Variants in ARID2 observed in about 807,000 individuals in gnomAD.
The protein encoded by ARID2 is AT-rich interactive domain-containing protein 2.
In ARID2, 32 loss-of-function variants were observed where a neutral mutation model predicts 184.6. The observed-to-expected ratio is 0.17, with a 90% CI of 0.13 to 0.23. The LOEUF (loss-of-function observed/expected upper bound fraction) is 0.23, where lower values mean the gene tolerates loss of function less well. ARID2 is among the 10% of genes least tolerant of loss of function. The pLI, the probability that ARID2 is intolerant of heterozygous loss-of-function variation, is 1.00. For synonymous variants in ARID2, 836 were observed against 772.6 expected (o/e 1.08, Z -1.36); for missense variants, 1,696 against 2,197.6 (o/e 0.77, Z 4.56).
intron 3 of ARID2, among the ~76,000 whole-genome samples, chr12:45,788,673 A>G (rs1408567780): frequency 2.0e-5 from 3 of 152,156 alleles, no homozygotes; most frequent in East Asian, 1.9e-4. Context: ...GTATTCCCCA[A>G]ACTGAAGGTT....
At chr12:45,743,350 C>G (rs1443008520) in intron 3 of ARID2, among the ~76,000 whole-genome samples, 4 of 152,076 alleles carry the variant, frequency 2.6e-5, no homozygotes, top group Admixed American at 6.5e-5. Flanking sequence ...GCCTGGGTGA[C>G]TGAGCAAGAC....
At chr12:45,804,911 T>C (rs1342690383) in intron 3 of ARID2, among the ~76,000 whole-genome samples, 1 of 152,136 alleles carries the variant, frequency 6.6e-6, no homozygotes, top group Non-Finnish European at 1.5e-5. Context: ...TGCATGCTTA[T>C]GATCTTCATA....
At chr12:45,781,920 A>G (rs966109401) in intron 3 of ARID2, among the ~76,000 whole-genome samples, 1 of 152,220 alleles carries the variant, frequency 6.6e-6, no homozygotes, top group African/African-American at 2.4e-5. Context: ...TGAAGAACAA[A>G]TATTTTGTGG....
intron 3 of ARID2, among the ~76,000 whole-genome samples, chr12:45,791,806 C>G (rs1942297473): frequency 1.3e-5 from 2 of 152,144 alleles, no homozygotes; most frequent in Admixed American, 1.3e-4. Flanking sequence ...TTCCCACCAG[C>G]AAGAAAGTTG....
intron 16 of ARID2, among the ~76,000 whole-genome samples, chr12:45,865,530 A>G (rs897491365): frequency 2.0e-5 from 3 of 152,122 alleles, no homozygotes; most frequent in East Asian, 3.9e-4. Flanking sequence ...TTTTCTGTAA[A>G]CAAATTTATT....
At chr12:45,739,059 CTTGGG>C (rs1941192147) in intron 3 of ARID2, among the ~76,000 whole-genome samples, 1 of 151,978 alleles carries the variant, frequency 6.6e-6, no homozygotes, top group Admixed American at 6.6e-5. Context: ...GCCTCCACCT[CTTGGG>C]TTCAAGTGAT....
In ARID2 at chr12:45,906,855, T is replaced by G. The variant is rs115052817; in HGVS notation, c.*1777T>G. 5.2e-3 allele frequency: 1,217 copies of G among 232,218 alleles called. 10 individuals carry two copies. Among genetic ancestry groups the G allele is most frequent in the African/African-American group, 0.025 (1,115 of 45,430 alleles). The allele number at this position is 232,218 out of a possible 1,614,324, so 14.4% of individuals were successfully genotyped here. ...CTGTACATTTGGCTAAAAGCTTTTA[T>G]TGTTTGATGTTGTGTTTCTTGACTG... On this transcript the variant is annotated 3_prime_UTR_variant, in exon 21 of 21. Transcript: ENST00000334344.
intron 3 of ARID2, among the ~76,000 whole-genome samples, chr12:45,774,500 TTC>T (rs1941938578): frequency 6.6e-6 from 1 of 152,158 alleles, no homozygotes. Flanking sequence ...TAGCATCTTT[TTC>T]CCCTTTATGT....
chr12:45,889,550 A>G (rs1212963024), intron 16 of ARID2, among the ~76,000 whole-genome samples: 1 of 152,240 alleles, frequency 6.6e-6, no homozygotes, highest in Non-Finnish European at 1.5e-5. Context: ...CAACCCATCC[A>G]ATAAATATCC....
intron 16 of ARID2, among the ~76,000 whole-genome samples, chr12:45,889,277 AAC>A (rs1944252151): frequency 6.6e-6 from 1 of 152,204 alleles, no homozygotes; most frequent in South Asian, 2.1e-4. Flanking sequence ...TTTGTTTAAA[AAC>A]ACATACATAC....
intron 15 of ARID2, among the ~76,000 whole-genome samples, 160 bp from the exon 16 acceptor site, chr12:45,860,641 A>AT (rs1943726486): frequency 6.6e-6 from 1 of 151,982 alleles, no homozygotes; most frequent in African/African-American, 2.4e-5. Context: ...TATAAAAATA[A>AT]TTTTTAAAGA....
intron 16 of ARID2, among the ~76,000 whole-genome samples, chr12:45,869,452 A>G (rs1156796927): frequency 6.6e-6 from 1 of 151,358 alleles, no homozygotes; most frequent in Non-Finnish European, 1.5e-5. Flanking sequence ...TTTTCTTCGC[A>G]TGAATTTTGT....
intron 3 of ARID2, among the ~76,000 whole-genome samples, chr12:45,735,418 CGTGTGTGTGTGT>C (rs56133410): frequency 2.5e-4 from 35 of 141,398 alleles, no homozygotes; most frequent in African/African-American, 5.6e-4. Context: ...TAAACTGTAT[CGTGTGTGTGTGT>C]GTGTGTGTGT....
At position 45,729,785 on chromosome 12, in the gene ARID2, G is replaced by T; in HGVS notation, c.-52G>T. The stretch of plus-strand genomic sequence containing the variant: ...TGGTAGGAAGCGCTGGGAGCGGGGG[G>T]CGCTTTTAAAACACCGATCTGGGTT... On this transcript the variant is annotated 5_prime_UTR_variant, in exon 1 of 21. Coordinates refer to ENST00000334344, the MANE Select transcript of ARID2 (RefSeq NM_152641.4). 1.3e-6 allele frequency: 2 copies of T among 1,512,390 alleles called. No individual in the cohort carries two copies. Among genetic ancestry groups the T allele is most frequent in the Non-Finnish European group, 9.0e-7 (1 of 1,112,952 alleles). The allele number at this position is 1,512,390 out of a possible 1,614,324, so 93.7% of individuals were successfully genotyped here.
chr12:45,820,404 T>C (rs1320335293), intron 5 of ARID2, among the ~76,000 whole-genome samples: 1 of 152,172 alleles, frequency 6.6e-6, no homozygotes. Context: ...GGTTCATACT[T>C]AAAAGGTAAT....
intron 18 of ARID2, 39 bp from the exon 19 acceptor site, chr12:45,893,381 C>T (rs765878745): frequency 1.3e-5 from 21 of 1,577,608 alleles, no homozygotes; most frequent in East Asian, 1.2e-4. Flanking sequence ...TGCAGTATCA[C>T]GTTAATTCTC....
At position 45,730,067 on chromosome 12, in the gene ARID2, C is replaced by T; in HGVS notation, c.116C>T (p.Ala39Val). 1.2e-6 allele frequency: 2 copies of T among 1,613,534 alleles called. No homozygotes were observed. The highest frequency in any genetic ancestry group is 2.2e-5 in the East Asian group (1 of 44,820). The change falls in exon 2 of 21, where the codon GCG becomes GTG. Residue 39 changes from alanine (A) to valine (V), a missense_variant. Around this residue, in one of 11 missense-constraint regions of ARID2, gnomAD observed 54 missense variants for 59.9 expected, o/e 0.90. Coordinates refer to ENST00000334344, the MANE Select transcript of ARID2 (RefSeq NM_152641.4). ...SRGSPFKKIPAVGGKELDLHG... is the reference protein window; with the variant it reads ...SRGSPFKKIPVVGGKELDLHG... ...AGGTCGCCTTTTAAAAAAATCCCTGCGGTGGGTGGGAAGGAGCTGGATCTT... is the reference window on the plus strand; with the variant it reads ...AGGTCGCCTTTTAAAAAAATCCCTGTGGTGGGTGGGAAGGAGCTGGATCTT...
chr12:45,767,956 A>T (rs1024942573), intron 3 of ARID2, among the ~76,000 whole-genome samples: 2 of 152,236 alleles, frequency 1.3e-5, no homozygotes, highest in Non-Finnish European at 2.9e-5. Context: ...AACTGGAAAA[A>T]GCAGTCATTT....
rs142977655 is a variant in ARID2, at chr12:45,906,385, A to G, written c.*1307A>G. ...TTTATAACTGCCTATTGCCTGTTCTATTAGCATCCAAAAATGTGGAAGGCC... is the reference window on the plus strand; with the variant it reads ...TTTATAACTGCCTATTGCCTGTTCTGTTAGCATCCAAAAATGTGGAAGGCC... On this transcript the variant is annotated 3_prime_UTR_variant, in exon 21 of 21. Coordinates refer to ENST00000334344, the MANE Select transcript of ARID2 (RefSeq NM_152641.4). The G allele has an allele frequency of 1.0e-3, 236 of 233,186 alleles. No homozygotes were observed. Among genetic ancestry groups the G allele is most frequent in the Non-Finnish European group, 1.6e-3 (186 of 117,786 alleles). The allele number at this position is 233,186 out of a possible 1,614,324, so 14.4% of individuals were successfully genotyped here.
Sources: allele counts gnomAD v4.1 joint callset (sites outside exome capture counted in the v4.1 genomes callset), GRCh38; gene constraint gnomAD v4.1.1; regional missense constraint gnomAD v4.1.1; transcripts MANE v1.5; gene names NCBI Gene and HGNC (gene_info 2026-07-23, HGNC 2026-07-21).